The following SEMA3E variants were observed in gnomAD, a reference collection of about 807,000 sequenced individuals.
SEMA3E encodes the protein semaphorin-3E.
SEMA3E carries 49 observed loss-of-function variants against 93.6 expected under a neutral mutation model. The ratio of observed to expected loss-of-function variants is 0.52; its 90% CI spans 0.42 to 0.66. The LOEUF is 0.66. Ranked by LOEUF, SEMA3E falls within the 30% of genes least tolerant of loss-of-function variation. The pLI is 0.00. For missense variants in SEMA3E, 906 were observed against 964.8 expected (o/e 0.94, Z 0.81); for synonymous variants, 363 against 330.7 (o/e 1.10, Z -1.06).
intron 1 of SEMA3E, among the ~76,000 whole-genome samples, chr7:83,506,175 G>C (rs1431982730): frequency 6.6e-6 from 1 of 151,744 alleles, no homozygotes; most frequent in Non-Finnish European, 1.5e-5. Flanking sequence ...AAACATAAGT[G>C]GCAAGCACTG....
chr7:83,399,928 G>A (rs149312789), intron 11 of SEMA3E, 100 bp downstream of exon 11: 1 of 960,998 alleles, frequency 1.0e-6, no homozygotes, highest in Non-Finnish European at 1.7e-6. Flanking sequence ...TTGTTTAACA[G>A]ATGGACAGAT....
chr7:83,619,885 T>TGATAGATAGATAGATAGACA (rs1281552329), intron 1 of SEMA3E, among the ~76,000 whole-genome samples: 13 of 126,770 alleles, frequency 1.0e-4, no homozygotes, highest in African/African-American at 3.9e-4. Flanking sequence ...GATAGATAGA[T>TGATAGATAGATAGATAGACA]GATAGATAGA....
At chr7:83,376,476 T>A (rs183446306) in intron 16 of SEMA3E, among the ~76,000 whole-genome samples, 1 of 152,014 alleles carries the variant, frequency 6.6e-6, no homozygotes, top group African/African-American at 2.4e-5. Flanking sequence ...AAAATTATGT[T>A]TTATTTTAGA....
chr7:83,499,478 T>A (rs1435805887), intron 1 of SEMA3E, among the ~76,000 whole-genome samples: 2 of 152,190 alleles, frequency 1.3e-5, no homozygotes, highest in African/African-American at 2.4e-5. Flanking sequence ...CTTTCATATA[T>A]CTTAGGGTAC....
At chr7:83,463,477 C>T (rs1405509305) in intron 4 of SEMA3E, among the ~76,000 whole-genome samples, 1 of 152,210 alleles carries the variant, frequency 6.6e-6, no homozygotes, top group East Asian at 1.9e-4. Flanking sequence ...TTTGTTGAGT[C>T]TCCCACAATT....
At chr7:83,454,651 T>C (rs998420213) in intron 4 of SEMA3E, among the ~76,000 whole-genome samples, 10 of 152,174 alleles carry the variant, frequency 6.6e-5, no homozygotes, top group Non-Finnish European at 1.2e-4. Flanking sequence ...TAAAATACTT[T>C]TGAGGAAAAC....
intron 4 of SEMA3E, among the ~76,000 whole-genome samples, chr7:83,430,489 T>C (rs1356772981): frequency 6.6e-6 from 1 of 152,026 alleles, no homozygotes; most frequent in Non-Finnish European, 1.5e-5. Context: ...CACGGAATAC[T>C]ATGCAGCCAT....
intron 2 of SEMA3E, among the ~76,000 whole-genome samples, chr7:83,481,971 A>C (rs547554233): frequency 2.6e-5 from 4 of 152,176 alleles, no homozygotes; most frequent in Non-Finnish European, 5.9e-5. Context: ...ACCCTCATGC[A>C]CATTACAATC....
intron 1 of SEMA3E, among the ~76,000 whole-genome samples, chr7:83,612,282 G>T (rs1793281798): frequency 6.6e-6 from 1 of 152,046 alleles, no homozygotes; most frequent in Admixed American, 6.6e-5. Flanking sequence ...CAGGAAATTT[G>T]TCTGTTTTAT....
chr7:83,448,088 A>G (rs1789272818), intron 4 of SEMA3E, among the ~76,000 whole-genome samples: 1 of 152,254 alleles, frequency 6.6e-6, no homozygotes, highest in Admixed American at 6.5e-5. Flanking sequence ...CCATGTGGAA[A>G]GTAAAACCTG....
intron 2 of SEMA3E, among the ~76,000 whole-genome samples, chr7:83,478,429 T>G (rs1335346171): frequency 6.6e-6 from 1 of 152,208 alleles, no homozygotes. Flanking sequence ...AAATAAAATT[T>G]TATACATTAA....
chr7:83,436,318 G>A (rs1789004101), intron 4 of SEMA3E, among the ~76,000 whole-genome samples: 1 of 145,366 alleles, frequency 6.9e-6, no homozygotes, highest in Non-Finnish European at 1.5e-5. Flanking sequence ...AAATGTGGGG[G>A]AGGAAGAATA....
At chr7:83,487,956 A>T (rs1790300964) in intron 2 of SEMA3E, among the ~76,000 whole-genome samples, 1 of 151,500 alleles carries the variant, frequency 6.6e-6, no homozygotes, top group African/African-American at 2.4e-5. Context: ...AAATATCAGC[A>T]ACATTTTAAA....
chr7:83,536,881 A>G (rs1791419912), intron 1 of SEMA3E, among the ~76,000 whole-genome samples: 2 of 152,064 alleles, frequency 1.3e-5, no homozygotes, highest in Non-Finnish European at 2.9e-5. Context: ...TTGTGTCCCC[A>G]CAAATTTTGT....
chr7:83,570,082 CA>C (rs1792241635), intron 1 of SEMA3E, among the ~76,000 whole-genome samples: 1 of 152,084 alleles, frequency 6.6e-6, no homozygotes, highest in Non-Finnish European at 1.5e-5. Flanking sequence ...CACAACTACA[CA>C]AAAACATGGA....
At chr7:83,496,494 C>A (rs377605243) in intron 1 of SEMA3E, among the ~76,000 whole-genome samples, 14 of 151,730 alleles carry the variant, frequency 9.2e-5, no homozygotes, top group African/African-American at 3.4e-4. Flanking sequence ...ATAAACTATC[C>A]GAAATAATTA....
In SEMA3E at chr7:83,605,432, C is replaced by CT. The variant is rs984270674; in HGVS notation, c.115+42995dup. 1.4e-3 allele frequency among the ~76,000 whole-genome samples: 205 copies of CT among 147,942 alleles called. 1 individual carries two copies. The highest frequency in any genetic ancestry group is 1.8e-3 in the East Asian group (9 of 5,078). ...TTTCTTGGCCGCATAAATGTCCTCT[C>CT]TTTTTTTTTTTTTATTGAGATGGAG... On this transcript the variant is annotated intron_variant, in intron 1 of 16. Coordinates refer to ENST00000643230, the MANE Select transcript of SEMA3E (RefSeq NM_012431.3).
chr7:83,364,076 A>G lies in SEMA3E; in HGVS notation c.*3510T>C, dbSNP rs911703464. ...CGCCCGGCTAATTTTTTGTATTTTTAGTAGAGACGGGGTTTCACCTTGTTA... is the reference window on the plus strand; with the variant it reads ...CGCCCGGCTAATTTTTTGTATTTTTGGTAGAGACGGGGTTTCACCTTGTTA... On this transcript the variant is annotated 3_prime_UTR_variant, in exon 17 of 17. Transcript: ENST00000643230. 1 of 150,468 alleles carries G rather than the reference A, an allele frequency of 6.6e-6. No homozygotes were observed. Among genetic ancestry groups the G allele is most frequent in the Non-Finnish European group, 1.5e-5 (1 of 67,670 alleles). The allele number at this position is 150,468 out of a possible 1,614,324, so 9.3% of individuals were successfully genotyped here.
intron 4 of SEMA3E, among the ~76,000 whole-genome samples, chr7:83,437,278 C>T (rs1789024024): frequency 1.3e-5 from 2 of 152,116 alleles, no homozygotes; most frequent in Admixed American, 1.3e-4. Context: ...TCATGTCCTA[C>T]AACCTTGTAC....
Sources: gnomAD v4.1 joint callset for allele counts (sites outside exome capture counted in the v4.1 genomes callset) on GRCh38, gnomAD v4.1.1 for gene constraint, MANE v1.5 for transcripts, NCBI Gene and HGNC (gene_info 2026-07-23, HGNC 2026-07-21) for gene names.